Variants in DUOX1 observed in about 807,000 individuals in gnomAD.
The protein encoded by DUOX1 is dual oxidase 1.
In DUOX1, 134 loss-of-function variants were observed where a neutral mutation model predicts 181.8. The observed-to-expected ratio is 0.74, with a 90% CI of 0.64 to 0.85. The LOEUF (loss-of-function observed/expected upper bound fraction) is 0.85. Ranked by LOEUF, DUOX1 falls within the 40% of genes least tolerant of loss-of-function variation. The probability of loss-of-function intolerance (pLI) is 0.00; values close to 1 mark genes in which losing one functional copy is unlikely to be tolerated. For missense variants in DUOX1, 1,814 were observed against 2,064.4 expected (o/e 0.88, Z 2.35); for synonymous variants, 798 against 832.5 (o/e 0.96, Z 0.71).
At chr15:45,142,810 A>AGGAAGGAAGGAG (rs1491411109) in intron 15 of DUOX1, among the ~76,000 whole-genome samples, 1 of 150,762 alleles carries the variant, frequency 6.6e-6, no homozygotes, top group African/African-American at 2.4e-5. Flanking sequence ...GGAGGGAGGA[A>AGGAAGGAAGGAG]GAGCAGGCTG....
At chr15:45,142,176 T>C in intron 15 of DUOX1, 64 bp downstream of exon 15, 1 of 1,563,616 alleles carries the variant, frequency 6.4e-7, no homozygotes, top group Non-Finnish European at 8.7e-7. Flanking sequence ...GTTTGGGTGG[T>C]TCCACTAATG....
At chr15:45,161,699 G>A in intron 29 of DUOX1, 39 bp from the exon 30 acceptor site, 1 of 1,594,906 alleles carries the variant, frequency 6.3e-7, no homozygotes, top group Non-Finnish European at 8.6e-7. Context: ...TTGTTGCTGG[G>A]TTCAGGGCAG....
Position 45,147,631 on chromosome 15 carries a change from C to T in DUOX1, c.2521C>T (p.Leu841=). 6.2e-7 allele frequency: 1 copy of T among 1,614,178 alleles called. No individual in the cohort carries two copies. Among genetic ancestry groups the T allele is most frequent in the Non-Finnish European group, 8.5e-7 (1 of 1,180,024 alleles). The change falls in exon 19 of 34, where the codon CTG becomes TTG. Residue 841 remains leucine, a synonymous_variant. Coordinates refer to ENST00000389037, the MANE Select transcript of DUOX1 (RefSeq NM_175940.3). The stretch of plus-strand genomic sequence containing the variant: ...TGGCTACCTGTCCTTCCGAGAGTTC[C>T]TGGACATCCTGGTGGTCTTCATGAA... The part of the protein sequence containing the change: ...GNGYLSFREF[L]DILVVFMKGS...
intron 11 of DUOX1, 58 bp from the exon 12 acceptor site, chr15:45,139,369 C>T (rs895187302): frequency 3.8e-6 from 6 of 1,597,578 alleles, no homozygotes; most frequent in Non-Finnish European, 4.3e-6. Context: ...GGGGCCTGGA[C>T]TGGACACTGC....
At position 45,135,120 on chromosome 15, in the gene DUOX1, A is replaced by G. The variant is rs754995906; in HGVS notation, c.324A>G (p.Ser108=). ...LGVFFGYHVL[S]DLVSVETPGC... The stretch of plus-strand genomic sequence containing the variant: ...TGCCCGCAGGCTATCACGTGCTTTC[A>G]GACCTGGTGAGCGTGGAAACTCCCG... Residue 108 remains serine, a synonymous_variant, in exon 5 of 34, where the codon TCA becomes TCG. Coordinates refer to ENST00000389037, the MANE Select transcript of DUOX1 (RefSeq NM_175940.3). 6.2e-7 allele frequency: 1 copy of G among 1,613,648 alleles called. No individual in the cohort carries two copies. Among genetic ancestry groups the G allele is most frequent in the Middle Eastern group, 1.7e-4 (1 of 6,056 alleles).
chr15:45,162,086 G>A, intron 30 of DUOX1, 116 bp downstream of exon 30: 1 of 1,463,748 alleles, frequency 6.8e-7, no homozygotes, highest in Non-Finnish European at 9.3e-7. Flanking sequence ...GAGACTGGTT[G>A]TTCCAGATAA....
At chr15:45,144,579 TTAGA>T (rs1487174565) in intron 17 of DUOX1, among the ~76,000 whole-genome samples, 2 of 152,234 alleles carry the variant, frequency 1.3e-5, no homozygotes, top group African/African-American at 4.8e-5. Flanking sequence ...TAGTGAATTT[TTAGA>T]GATTTTGGAG....
At position 45,139,360 on chromosome 15, in the gene DUOX1, G is replaced by A. The variant is rs138231988; in HGVS notation, c.1217-67G>A. ...GTCTCCTGGGGCTGGTTGGAGCTTG[G>A]GGCCTGGACTGGACACTGCTGTGGT... On this transcript the variant is annotated intron_variant, in intron 11 of 33. Coordinates refer to ENST00000389037, the MANE Select transcript of DUOX1 (RefSeq NM_175940.3). 2.0e-5 allele frequency: 32 copies of A among 1,590,962 alleles called. No individual in the cohort carries two copies. In the African/African-American group the frequency reaches 3.2e-4, roughly 16 times the overall value.
At chr15:45,142,789 G>GGAAGGAAGGAAGGAAGGAAGGAATGA (rs1480496555) in intron 15 of DUOX1, among the ~76,000 whole-genome samples, 1 of 139,762 alleles carries the variant, frequency 7.2e-6, no homozygotes, top group African/African-American at 2.7e-5. Context: ...GGAAGGAAGG[G>GGAAGGAAGGAAGGAAGGAAGGAATGA]AGGGAGGAAG....
rs368210207 is a variant in DUOX1, at chr15:45,161,916, C to A, written c.4035C>A (p.Arg1345=). The part of the protein sequence containing the change: ...HIRAAGPWTT[R]LREIYSAPTG... ...GGGCAGCAGGGCCCTGGACCACTCG[C>A]CTCAGGGAGATCTACTCAGCCCCGA... is the stretch of plus-strand genomic sequence containing the variant. The change falls in exon 30 of 34, where the codon CGC becomes CGA. Residue 1345 remains arginine (R), a synonymous_variant. Transcript: ENST00000389037. The A allele has an allele frequency of 1.2e-6, 2 of 1,613,226 alleles. No homozygotes were observed.
Position 45,141,176 on chromosome 15 carries a change from A to C in DUOX1, c.1565+106A>C. 1.9e-6 allele frequency: 3 copies of C among 1,565,442 alleles called. No individual in the cohort carries two copies. In the African/African-American group the frequency reaches 4.1e-5, roughly 21 times the overall value. On this transcript the variant is annotated intron_variant, in intron 13 of 33. Coordinates refer to ENST00000389037, the MANE Select transcript of DUOX1 (RefSeq NM_175940.3). ...TGAGCCCTTGATTCCAAGCCAGCCCACCACCCACTTCCCAACACCTCTGGG... is the reference window on the plus strand; with the variant it reads ...TGAGCCCTTGATTCCAAGCCAGCCCCCCACCCACTTCCCAACACCTCTGGG...
In DUOX1 at chr15:45,136,420, C is replaced by T. The variant is rs1896317270; in HGVS notation, c.925+10C>T. On this transcript the variant is annotated intron_variant, in intron 8 of 33. Transcript: ENST00000389037. ...CTCCCGGAGTATACAGGTGAGGGAG[C>T]GGGGAAGGAGGATGGGAGGGCTTGC... The T allele has an allele frequency of 6.2e-7, 1 of 1,612,718 alleles. No individual in the cohort carries two copies. The highest frequency in any genetic ancestry group is 1.3e-5 in the African/African-American group (1 of 74,938).
chr15:45,164,809 C>T lies in DUOX1; in HGVS notation c.4564C>T (p.Pro1522Ser). ...VRKIGVFSCG[P>S]PGMTKNVEKA... Reference sequence around the variant, plus strand: ...GAAGATCGGGGTGTTTAGCTGTGGCCCCCCTGGCATGACCAAGAATGTGGA... The same window carrying T: ...GAAGATCGGGGTGTTTAGCTGTGGCTCCCCTGGCATGACCAAGAATGTGGA... Residue 1522 changes from proline to serine, a missense_variant, in exon 34 of 34, where the codon CCC (proline) becomes TCC (serine). Coordinates refer to ENST00000389037, the MANE Select transcript of DUOX1 (RefSeq NM_175940.3). The T allele has an allele frequency of 6.2e-7, 1 of 1,614,120 alleles. No homozygotes were observed. Among genetic ancestry groups the T allele is most frequent in the Non-Finnish European group, 8.5e-7 (1 of 1,179,998 alleles).
rs747964291 is a variant in DUOX1, at chr15:45,142,043, C to T, written c.1753C>T (p.Arg585Cys). Reference protein sequence around the residue: ...GLPACAPSVVRDYFEGSGFGF... With the variant: ...GLPACAPSVVCDYFEGSGFGF... Reference sequence around the variant, plus strand: ...GCCAGCGTGTGCTCCCTCTGTTGTTCGTGACTATTTTGAGGGCAGTGGATT... The same window carrying T: ...GCCAGCGTGTGCTCCCTCTGTTGTTTGTGACTATTTTGAGGGCAGTGGATT... The change falls in exon 15 of 34, where the codon CGT (arginine) becomes TGT (cysteine). Residue 585 changes from arginine (R) to cysteine (C), a missense_variant. Around this residue, in one of 5 missense-constraint regions of DUOX1, gnomAD observed 1,064 missense variants for 1,152.9 expected, o/e 0.92. Coordinates refer to ENST00000389037, the MANE Select transcript of DUOX1 (RefSeq NM_175940.3). 5.0e-6 allele frequency: 8 copies of T among 1,613,850 alleles called. No homozygotes were observed. In the African/African-American group the frequency reaches 8.0e-5, roughly 16 times the overall value.
chr15:45,158,715 A>G (rs1897024515), intron 28 of DUOX1, among the ~76,000 whole-genome samples: 1 of 150,498 alleles, frequency 6.6e-6, no homozygotes. Context: ...AAAAAAAAAA[A>G]AAAAAAAAAA....
chr15:45,146,238 T>C (rs1896649726), intron 18 of DUOX1, among the ~76,000 whole-genome samples: 1 of 152,238 alleles, frequency 6.6e-6, no homozygotes, highest in Admixed American at 6.5e-5. Context: ...AGCAGGATCA[T>C]GTGGTTGGGG....
chr15:45,157,473 T>A (rs1407572222), intron 28 of DUOX1, among the ~76,000 whole-genome samples: 7 of 152,050 alleles, frequency 4.6e-5, no homozygotes, highest in Non-Finnish European at 8.8e-5. Context: ...TCCTGGGGTG[T>A]AGGCATCACT....
intron 25 of DUOX1, chr15:45,152,755 C>G: frequency 1.7e-6 from 1 of 593,444 alleles, no homozygotes; most frequent in South Asian, 2.0e-5. Context: ...TTACTAACAC[C>G]CCAGAATGAG....
intron 7 of DUOX1, 87 bp from the exon 8 acceptor site, chr15:45,136,263 C>G: frequency 6.3e-7 from 1 of 1,596,688 alleles, no homozygotes; most frequent in Non-Finnish European, 8.5e-7. Flanking sequence ...GTCCTCATCT[C>G]CACACGGAAG....
Sources: allele counts gnomAD v4.1 joint callset (sites outside exome capture counted in the v4.1 genomes callset), GRCh38; gene constraint gnomAD v4.1.1; regional missense constraint gnomAD v4.1.1; transcripts MANE v1.5; gene names NCBI Gene and HGNC (gene_info 2026-07-23, HGNC 2026-07-21).